SLC38A9: variants seen among roughly 807,000 people sequenced by gnomAD.
The protein encoded by SLC38A9 is neutral amino acid transporter 9.
A neutral mutation model predicts 62.3 loss-of-function variants in SLC38A9; 48 were observed. That is an observed-to-expected ratio of 0.77 (90% CI 0.61 to 0.98). SLC38A9 has a LOEUF of 0.98. Ranked by LOEUF, SLC38A9 falls within the 50% of genes least tolerant of loss-of-function variation. SLC38A9 has a pLI of 0.00. For missense variants in SLC38A9, 541 were observed against 679.8 expected (o/e 0.80, Z 2.27); for synonymous variants, 204 against 227.7 (o/e 0.90, Z 0.94).
At chr5:55,694,862 C>CGT (rs2150569737) in intron 3 of SLC38A9, among the ~76,000 whole-genome samples, 1 of 152,180 alleles carries the variant, frequency 6.6e-6, no homozygotes, top group East Asian at 1.9e-4. Context: ...AAGTGATTAT[C>CGT]ATGCCTCAGT....
intron 12 of SLC38A9, among the ~76,000 whole-genome samples, chr5:55,638,172 C>A (rs922224265): frequency 6.6e-6 from 1 of 152,110 alleles, no homozygotes; most frequent in Admixed American, 6.5e-5. Context: ...AGAAATTATG[C>A]TTTTATTATA....
At chr5:55,698,273 C>T (rs911001771) in intron 2 of SLC38A9, among the ~76,000 whole-genome samples, 9 of 151,934 alleles carry the variant, frequency 5.9e-5, no homozygotes, top group Non-Finnish European at 1.2e-4. Context: ...ACTAAAAATA[C>T]TGAATAAAAT....
intron 8 of SLC38A9, among the ~76,000 whole-genome samples, chr5:55,658,683 A>G (rs926620963): frequency 2.6e-5 from 4 of 152,232 alleles, no homozygotes; most frequent in African/African-American, 9.6e-5. Flanking sequence ...CATAGTTATG[A>G]AAGAAGAAAT....
At chr5:55,712,148 C>A (rs1758145479) in intron 1 of SLC38A9, 69 bp downstream of exon 1, 1 of 152,458 alleles carries the variant, frequency 6.6e-6, no homozygotes, top group Non-Finnish European at 1.5e-5. Flanking sequence ...ACCCTTCCCG[C>A]CGCCTTCCCT....
chr5:55,708,491 A>T (rs1411813028), intron 2 of SLC38A9, among the ~76,000 whole-genome samples: 14 of 152,218 alleles, frequency 9.2e-5, no homozygotes, highest in Admixed American at 9.2e-4. Flanking sequence ...CTAGGCTCAG[A>T]AATGTCTTTT....
At chr5:55,694,725 C>T (rs1415541635) in intron 3 of SLC38A9, among the ~76,000 whole-genome samples, 17 of 147,542 alleles carry the variant, frequency 1.2e-4, no homozygotes, top group Admixed American at 6.8e-5. Context: ...CCCTCCCCTC[C>T]GCTCCCCACC....
At position 55,672,094 on chromosome 5, in the gene SLC38A9, C is replaced by G. The variant is rs533001098; in HGVS notation, c.246+469G>C. Among the ~76,000 whole-genome samples, 199 of 152,234 alleles carry G rather than the reference C, an allele frequency of 1.3e-3. 1 individual carries two copies. The highest frequency in any genetic ancestry group is 0.01 in the Middle Eastern group (3 of 294). On this transcript the variant is annotated intron_variant, in intron 4 of 15. Coordinates refer to ENST00000396865, the MANE Select transcript of SLC38A9 (RefSeq NM_173514.4). Reference sequence around the variant, plus strand: ...CTTGAACCCCTGGGCTCAAGTGATCCTCTTGCCTTGGCCTCCCAAAATGCT... The same window carrying G: ...CTTGAACCCCTGGGCTCAAGTGATCGTCTTGCCTTGGCCTCCCAAAATGCT...
At chr5:55,687,890 T>G (rs565593805) in intron 3 of SLC38A9, among the ~76,000 whole-genome samples, 2 of 152,054 alleles carry the variant, frequency 1.3e-5, no homozygotes, top group South Asian at 2.1e-4. Flanking sequence ...GTAGAGACAG[T>G]GTTTCACTGT....
intron 3 of SLC38A9, among the ~76,000 whole-genome samples, chr5:55,678,645 C>CTTTGTT (rs1561397701): frequency 1.1e-4 from 5 of 45,832 alleles, no homozygotes; most frequent in East Asian, 6.2e-4. Context: ...CTGAAATGAA[C>CTTTGTT]TTTTTTTTTT....
chr5:55,650,169 G>A (rs1279266182), intron 10 of SLC38A9, among the ~76,000 whole-genome samples: 1 of 152,054 alleles, frequency 6.6e-6, no homozygotes, highest in Admixed American at 6.6e-5. Context: ...GGTTTTGACT[G>A]GGTAGCACTA....
At chr5:55,658,827 A>T (rs1271273618) in intron 8 of SLC38A9, among the ~76,000 whole-genome samples, 1 of 152,226 alleles carries the variant, frequency 6.6e-6, no homozygotes, top group Non-Finnish European at 1.5e-5. Context: ...AAAAGATCTA[A>T]ACAAATATTA....
At chr5:55,672,808 G>A in intron 3 of SLC38A9, 113 bp from the exon 4 acceptor site, 1 of 995,138 alleles carries the variant, frequency 1.0e-6, no homozygotes, top group East Asian at 2.6e-5. Context: ...ACAAAGGCAA[G>A]GCATTGACTT....
At chr5:55,693,620 G>A (rs34673538) in intron 3 of SLC38A9, among the ~76,000 whole-genome samples, 91,238 of 152,074 alleles carry the variant, frequency 0.6, 27,950 homozygotes, top group South Asian at 0.7. Flanking sequence ...ATTAAAATTT[G>A]AAGACTATGA....
chr5:55,664,874 T>A lies in SLC38A9; in HGVS notation c.527-11A>T. On this transcript the variant is annotated splice_polypyrimidine_tract_variant and intron_variant, in intron 7 of 15. Transcript: ENST00000396865. Reference sequence around the variant, plus strand: ...TGGTATCCAACGAAACTAGATAAAATAAGAGAAAGAATAAAACTAAATGTT... The same window carrying A: ...TGGTATCCAACGAAACTAGATAAAAAAAGAGAAAGAATAAAACTAAATGTT... 1 of 1,499,070 alleles carries A rather than the reference T, an allele frequency of 6.7e-7. No individual in the cohort carries two copies. Among genetic ancestry groups the A allele is most frequent in the Non-Finnish European group, 9.0e-7 (1 of 1,115,468 alleles). The allele number at this position is 1,499,070 out of a possible 1,614,324, so 92.9% of individuals were successfully genotyped here. A position where few individuals can be genotyped will look rare whatever the true frequency, so the allele number is the denominator to read the frequency against.
chr5:55,651,708 TAGAG>T (rs1747510044), intron 10 of SLC38A9, among the ~76,000 whole-genome samples: 1 of 152,138 alleles, frequency 6.6e-6, no homozygotes, highest in Non-Finnish European at 1.5e-5. Flanking sequence ...AAGCCTGAGA[TAGAG>T]AATGATTTCC....
At chr5:55,643,141 T>G (rs955234230) in intron 12 of SLC38A9, among the ~76,000 whole-genome samples, 6 of 152,232 alleles carry the variant, frequency 3.9e-5, no homozygotes, top group African/African-American at 1.4e-4. Context: ...TTTAGTTTGC[T>G]TTACTTTTTC....
intron 3 of SLC38A9, among the ~76,000 whole-genome samples, chr5:55,683,797 G>T (rs1303548134): frequency 6.6e-6 from 1 of 152,098 alleles, no homozygotes; most frequent in East Asian, 1.9e-4. Flanking sequence ...ATCCATTCCT[G>T]TGATGGGTAT....
At chr5:55,626,777 T>G in intron 15 of SLC38A9, 118 bp from the exon 16 acceptor site, 1 of 886,358 alleles carries the variant, frequency 1.1e-6, no homozygotes, top group Non-Finnish European at 1.6e-6. Flanking sequence ...AAATTATTTT[T>G]GATTCATTTG....
At chr5:55,646,145 G>A (rs1412529401) in intron 11 of SLC38A9, among the ~76,000 whole-genome samples, 2 of 152,230 alleles carry the variant, frequency 1.3e-5, no homozygotes, top group East Asian at 3.8e-4. Flanking sequence ...GGAGGCCAAG[G>A]TGGGCGGATC....
Sources: allele counts gnomAD v4.1 joint callset (sites outside exome capture counted in the v4.1 genomes callset), GRCh38; gene constraint gnomAD v4.1.1; transcripts MANE v1.5; gene names NCBI Gene and HGNC (gene_info 2026-07-23, HGNC 2026-07-21).